Variants in DIPK1A observed in about 807,000 individuals in gnomAD.
DIPK1A encodes the protein divergent protein kinase domain 1A.
Under a neutral mutation model 40.8 loss-of-function variants are expected in DIPK1A, and 27 were observed. The ratio of observed to expected loss-of-function variants is 0.66; its 90% CI spans 0.49 to 0.91. The LOEUF (loss-of-function observed/expected upper bound fraction) is 0.91, where lower values mean the gene tolerates loss of function less well. Among genes scored for constraint, DIPK1A ranks in the 40% least tolerant of loss-of-function variants. DIPK1A has a pLI of 0.00. For missense variants in DIPK1A, 412 were observed against 505.7 expected (o/e 0.81, Z 1.78); for synonymous variants, 166 against 171.3 (o/e 0.97, Z 0.24).
At chr1:92,833,246 G>C in intron 4 of DIPK1A, 1 of 706,118 alleles carries the variant, frequency 1.4e-6, no homozygotes, top group South Asian at 1.7e-5. Context: ...GACCCTAGTT[G>C]CTTGTGAAAC....
At chr1:92,896,260 C>T (rs544057576) in intron 1 of DIPK1A, among the ~76,000 whole-genome samples, 2 of 152,284 alleles carry the variant, frequency 1.3e-5, no homozygotes, top group East Asian at 3.9e-4. Context: ...AACTATACTA[C>T]AAGGCTACAG....
chr1:92,943,359 A>G (rs1328004977), intron 1 of DIPK1A, among the ~76,000 whole-genome samples: 1 of 152,188 alleles, frequency 6.6e-6, no homozygotes, highest in Non-Finnish European at 1.5e-5. Context: ...TTGGAATGCT[A>G]GAGGGAATCT....
chr1:92,863,689 A>G (rs1300115666), intron 2 of DIPK1A, among the ~76,000 whole-genome samples: 2 of 152,146 alleles, frequency 1.3e-5, no homozygotes, highest in Admixed American at 1.3e-4. Context: ...ATAAGTTCAT[A>G]AAGACTTAAG....
chr1:92,911,700 T>C (rs991877233), intron 1 of DIPK1A, among the ~76,000 whole-genome samples: 1 of 152,104 alleles, frequency 6.6e-6, no homozygotes, highest in Admixed American at 6.6e-5. Context: ...TGCTGGGTCA[T>C]ATGAAAGTTA....
At chr1:92,863,571 C>CAAAAAAAAAAAA (rs10650458) in intron 2 of DIPK1A, among the ~76,000 whole-genome samples, 1 of 101,090 alleles carries the variant, frequency 9.9e-6, no homozygotes, top group Non-Finnish European at 1.8e-5. Context: ...CTGTCTCTAC[C>CAAAAAAAAAAAA]AAAAAAAAAA....
intron 2 of DIPK1A, among the ~76,000 whole-genome samples, chr1:92,858,626 A>C (rs1688065348): frequency 6.6e-6 from 1 of 152,070 alleles, no homozygotes; most frequent in Non-Finnish European, 1.5e-5. Context: ...ACTTATTGGG[A>C]AGCAGTAAAG....
At chr1:92,931,129 G>A (rs1162841174) in intron 1 of DIPK1A, 2 of 151,894 alleles carry the variant, frequency 1.3e-5, no homozygotes, top group East Asian at 3.9e-4. Context: ...ATTATTTAGA[G>A]CATTTTTTTT....
In DIPK1A at chr1:92,843,128, G is replaced by C; in HGVS notation, c.*255C>G. 1 of 1,155,806 alleles carries C rather than the reference G, an allele frequency of 8.7e-7. No individual in the cohort carries two copies. 71.6% of individuals were successfully genotyped at this position (1,155,806 alleles called of 1,614,324 possible). On this transcript the variant is annotated 3_prime_UTR_variant, in exon 5 of 5. Coordinates refer to ENST00000370310, the MANE Select transcript of DIPK1A (RefSeq NM_001006605.5). Reference sequence around the variant, plus strand: ...GCTTTTCACAGCATTGGTTTTTAAAGTCAGTCAAAATAGTTACACAATGAA... The same window carrying C: ...GCTTTTCACAGCATTGGTTTTTAAACTCAGTCAAAATAGTTACACAATGAA...
At position 92,851,542 on chromosome 1, in the gene DIPK1A, C is replaced by CA. The variant is rs59664439; in HGVS notation, c.190-588dup. Reference sequence around the variant, plus strand: ...TGGGTGAGAGAGTGAGACCCTATCTCAAAAAAAAAAAAAAAAAAAACTTCT... The same window carrying CA: ...TGGGTGAGAGAGTGAGACCCTATCTCAAAAAAAAAAAAAAAAAAAAACTTCT... On this transcript the variant is annotated intron_variant, in intron 2 of 4. Coordinates refer to ENST00000370310, the MANE Select transcript of DIPK1A (RefSeq NM_001006605.5). Among the ~76,000 whole-genome samples the CA allele has an allele frequency of 5.0e-3, 173 of 34,778 alleles. 7 individuals carry two copies. The highest frequency in any genetic ancestry group is 0.016 in the African/African-American group (145 of 9,070). 22.8% of individuals were successfully genotyped at this position (34,778 alleles called of 152,430 possible).
At chr1:92,847,533 T>C (rs1207725052) in intron 3 of DIPK1A, among the ~76,000 whole-genome samples, 174 bp from the exon 4 acceptor site, 1 of 152,160 alleles carries the variant, frequency 6.6e-6, no homozygotes, top group Non-Finnish European at 1.5e-5. Flanking sequence ...ACTCAAGATT[T>C]TTTCCTTAAA....
intron 2 of DIPK1A, among the ~76,000 whole-genome samples, chr1:92,873,590 G>A (rs1362108330): frequency 4.0e-5 from 6 of 150,732 alleles, no homozygotes; most frequent in Non-Finnish European, 5.9e-5. Flanking sequence ...ACTGCAGCCC[G>A]GGTGACAGAG....
chr1:92,958,481 C>T (rs1010855116), intron 1 of DIPK1A, among the ~76,000 whole-genome samples: 2 of 152,234 alleles, frequency 1.3e-5, no homozygotes, highest in Non-Finnish European at 2.9e-5. Context: ...CTCTCCTCTT[C>T]CTGGCCCTCC....
chr1:92,843,014 A>T lies in DIPK1A; in HGVS notation c.*369T>A. ...TTTATAAATTTTCTTGTTGAACAGCAGCTTCAATGCAAACACAATGCTTCC... is the reference window on the plus strand; with the variant it reads ...TTTATAAATTTTCTTGTTGAACAGCTGCTTCAATGCAAACACAATGCTTCC... On this transcript the variant is annotated 3_prime_UTR_variant, in exon 5 of 5. Transcript: ENST00000370310. 1 of 997,256 alleles carries T rather than the reference A, an allele frequency of 1.0e-6. No individual in the cohort carries two copies. Among genetic ancestry groups the T allele is most frequent in the Non-Finnish European group, 1.2e-6 (1 of 837,960 alleles). 61.8% of individuals were successfully genotyped at this position (997,256 alleles called of 1,614,324 possible).
chr1:92,855,422 G>A (rs1193675694), intron 2 of DIPK1A, among the ~76,000 whole-genome samples: 2 of 152,044 alleles, frequency 1.3e-5, no homozygotes, highest in East Asian at 1.9e-4. Flanking sequence ...CCAACAGACC[G>A]GCTCAGTGGC....
At chr1:92,874,731 T>C (rs917319396) in intron 2 of DIPK1A, among the ~76,000 whole-genome samples, 1 of 152,206 alleles carries the variant, frequency 6.6e-6, no homozygotes, top group African/African-American at 2.4e-5. Flanking sequence ...GACTGTAACT[T>C]CTTCTGTCAG....
intron 1 of DIPK1A, among the ~76,000 whole-genome samples, chr1:92,907,217 T>C (rs1014693955): frequency 3.3e-5 from 5 of 152,078 alleles, no homozygotes; most frequent in African/African-American, 1.2e-4. Context: ...ATGCCACAGG[T>C]CCTATATTTT....
chr1:92,853,347 C>A (rs1203139281), intron 2 of DIPK1A, among the ~76,000 whole-genome samples: 1 of 152,168 alleles, frequency 6.6e-6, no homozygotes, highest in Admixed American at 6.5e-5. Context: ...ACAAGAATGA[C>A]CCCTGTGACA....
chr1:92,878,667 A>C (rs1648233398), intron 1 of DIPK1A, among the ~76,000 whole-genome samples: 1 of 152,112 alleles, frequency 6.6e-6, no homozygotes, highest in Admixed American at 6.5e-5. Flanking sequence ...AAAAATACAA[A>C]AAATTAGCCG....
intron 1 of DIPK1A, among the ~76,000 whole-genome samples, chr1:92,907,634 C>A (rs1210774093): frequency 1.3e-5 from 2 of 151,924 alleles, no homozygotes; most frequent in African/African-American, 4.8e-5. Context: ...GAGACAGGGT[C>A]TTGCTATGCT....
Sources: allele counts gnomAD v4.1 joint callset (sites outside exome capture counted in the v4.1 genomes callset), GRCh38; gene constraint gnomAD v4.1.1; transcripts MANE v1.5; gene names NCBI Gene and HGNC (gene_info 2026-07-23, HGNC 2026-07-21).